The following DCC variants were observed in gnomAD, a reference collection of about 807,000 sequenced individuals.
The protein encoded by DCC is DCC netrin 1 receptor.
In DCC, 58 loss-of-function variants were observed where a neutral mutation model predicts 172.5. The observed-to-expected ratio is 0.34, with a 90% CI of 0.27 to 0.42. The LOEUF is 0.42. Among genes scored for constraint, DCC ranks in the 10% least tolerant of loss-of-function variants. DCC has a pLI of 1.00. For missense variants in DCC, 1,740 were observed against 1,791.0 expected, an observed-to-expected ratio of 0.97 and a Z score of 0.51; for synonymous variants, 709 against 644.5, an observed-to-expected ratio of 1.10 and a Z score of -1.52.
At chr18:53,274,132 A>C (rs2056779711) in intron 12 of DCC, among the ~76,000 whole-genome samples, 1 of 152,162 alleles carries the variant, frequency 6.6e-6, no homozygotes, top group Non-Finnish European at 1.5e-5. Context: ...ACTATCACAA[A>C]TTTATTTACT....
chr18:53,004,708 G>T (rs1382373234), intron 5 of DCC, among the ~76,000 whole-genome samples: 1 of 151,016 alleles, frequency 6.6e-6, no homozygotes, highest in African/African-American at 2.4e-5. Flanking sequence ...TTGTTTGTTT[G>T]TTTGTTTTTT....
intron 1 of DCC, among the ~76,000 whole-genome samples, chr18:52,457,874 C>A (rs1988506107): frequency 6.6e-6 from 1 of 151,758 alleles, no homozygotes; most frequent in Admixed American, 6.6e-5. Flanking sequence ...ATCTTGCCCA[C>A]CCCTGACAGT....
At chr18:53,359,626 C>A (rs1014926948) in intron 15 of DCC, among the ~76,000 whole-genome samples, 1 of 152,036 alleles carries the variant, frequency 6.6e-6, no homozygotes, top group Non-Finnish European at 1.5e-5. Flanking sequence ...TTGTTAAATG[C>A]CTCTTCCCCT....
At chr18:52,529,767 C>T (rs9964573) in intron 1 of DCC, among the ~76,000 whole-genome samples, 60 of 152,328 alleles carry the variant, frequency 3.9e-4, no homozygotes, top group African/African-American at 1.3e-3. Flanking sequence ...CTTGAAGATG[C>T]ATCCGCCTCG....
At chr18:52,644,354 G>A (rs1037461118) in intron 1 of DCC, among the ~76,000 whole-genome samples, 3 of 152,152 alleles carry the variant, frequency 2.0e-5, no homozygotes, top group Non-Finnish European at 2.9e-5. Flanking sequence ...CAAGGCGGGT[G>A]GATCATGAGG....
intron 23 of DCC, among the ~76,000 whole-genome samples, chr18:53,451,009 C>T (rs754486458): frequency 2.2e-4 from 33 of 152,152 alleles, no homozygotes; most frequent in Admixed American, 1.2e-3. Context: ...ATCATGTACA[C>T]GAGATTTGAG....
intron 7 of DCC, among the ~76,000 whole-genome samples, chr18:53,131,172 C>T (rs2043645536): frequency 6.6e-6 from 1 of 152,044 alleles, no homozygotes; most frequent in Non-Finnish European, 1.5e-5. Context: ...AAGATACATT[C>T]ACCTTTTAAA....
chr18:53,115,785 T>C (rs1053334919), intron 7 of DCC, among the ~76,000 whole-genome samples: 2 of 151,698 alleles, frequency 1.3e-5, no homozygotes, highest in Admixed American at 1.3e-4. Flanking sequence ...ACAAAAATTT[T>C]TTTGTATTTG....
chr18:52,775,905 C>G (rs1033675405), intron 2 of DCC, among the ~76,000 whole-genome samples: 1 of 152,204 alleles, frequency 6.6e-6, no homozygotes, highest in African/African-American at 2.4e-5. Flanking sequence ...CTGCCTTTCT[C>G]TACCCGGCAC....
chr18:52,388,921 C>T (rs1200494339), intron 1 of DCC, among the ~76,000 whole-genome samples: 2 of 152,144 alleles, frequency 1.3e-5, no homozygotes, highest in Admixed American at 6.5e-5. Flanking sequence ...ACACAGTGGA[C>T]ACTTGGTAAG....
intron 24 of DCC, among the ~76,000 whole-genome samples, chr18:53,461,047 T>C: frequency 6.6e-6 from 1 of 152,246 alleles, no homozygotes. Context: ...GTGAACATTT[T>C]TTCATGTGTT....
intron 1 of DCC, among the ~76,000 whole-genome samples, chr18:52,551,727 T>TACACACAC (rs74178673): frequency 5.8e-4 from 73 of 126,342 alleles, no homozygotes; most frequent in African/African-American, 1.4e-3. Context: ...TACTCTCCTC[T>TACACACAC]ACACACACAC....
chr18:52,610,025 C>A (rs1297721498), intron 1 of DCC, among the ~76,000 whole-genome samples: 1 of 148,618 alleles, frequency 6.7e-6, no homozygotes, highest in African/African-American at 2.5e-5. Context: ...TTTAAAATAC[C>A]ATCTAAGACT....
At chr18:52,770,253 C>T (rs925095031) in intron 2 of DCC, among the ~76,000 whole-genome samples, 2 of 152,118 alleles carry the variant, frequency 1.3e-5, no homozygotes, top group Non-Finnish European at 2.9e-5. Context: ...GAGCATGTCT[C>T]ACTTCCTCCC....
At chr18:53,329,342 A>G (rs2057505654) in intron 14 of DCC, among the ~76,000 whole-genome samples, 1 of 151,948 alleles carries the variant, frequency 6.6e-6, no homozygotes, top group South Asian at 2.1e-4. Flanking sequence ...AAGAAATCTT[A>G]TTATTATAAA....
intron 21 of DCC, among the ~76,000 whole-genome samples, chr18:53,418,161 A>G (rs1910428343): frequency 6.6e-6 from 1 of 152,320 alleles, no homozygotes; most frequent in Middle Eastern, 3.4e-3. Flanking sequence ...TAGTTGATCA[A>G]GTTGATAGGT....
intron 2 of DCC, among the ~76,000 whole-genome samples, chr18:52,765,652 C>A (rs113182767): frequency 1.2e-3 from 176 of 152,262 alleles, no homozygotes; most frequent in African/African-American, 4.1e-3. Context: ...GACAAACACG[C>A]CTCCTTCCCT....
chr18:52,614,658 A>G (rs1324322072), intron 1 of DCC, among the ~76,000 whole-genome samples: 1 of 152,200 alleles, frequency 6.6e-6, no homozygotes, highest in Non-Finnish European at 1.5e-5. Context: ...AAAATAGATA[A>G]AAAAGGAAAA....
intron 5 of DCC, among the ~76,000 whole-genome samples, chr18:53,060,189 G>A (rs1289422705): frequency 1.3e-5 from 2 of 151,820 alleles, no homozygotes; most frequent in African/African-American, 4.8e-5. Context: ...TGTTGCTGTT[G>A]TTGTTGTTGT....
Sources: allele counts gnomAD v4.1 joint callset (sites outside exome capture counted in the v4.1 genomes callset), GRCh38; gene constraint gnomAD v4.1.1; transcripts MANE v1.5; gene names NCBI Gene and HGNC (gene_info 2026-07-23, HGNC 2026-07-21).